Variants in ARMC9 observed in about 807,000 individuals in gnomAD.
ARMC9 encodes the protein armadillo repeat containing 9.
In ARMC9, 94 loss-of-function variants were observed where a neutral mutation model predicts 107.0. The observed-to-expected ratio is 0.88, with a 90% CI of 0.74 to 1.04. ARMC9 has a LOEUF of 1.04. ARMC9 is among the 50% of genes least tolerant of loss of function. The probability of loss-of-function intolerance (pLI) is 0.00; values close to 1 mark genes in which losing one functional copy is unlikely to be tolerated. For synonymous variants in ARMC9, 380 were observed against 396.9 expected (o/e 0.96, Z 0.51); for missense variants, 942 against 1,030.1 (o/e 0.91, Z 1.17).
At chr2:231,326,177 G>A (rs2125545543) in intron 19 of ARMC9, among the ~76,000 whole-genome samples, 1 of 152,314 alleles carries the variant, frequency 6.6e-6, no homozygotes, top group Non-Finnish European at 1.5e-5. Flanking sequence ...TCAAAGACCT[G>A]GGCAGAAAGG....
At chr2:231,227,716 A>G (rs17586694) in intron 7 of ARMC9, among the ~76,000 whole-genome samples, 10,631 of 152,192 alleles carry the variant, frequency 0.07, 610 homozygotes, top group East Asian at 0.26. Flanking sequence ...GGGTTTGTCA[A>G]CCTCAGGGAG....
chr2:231,367,291 G>T (rs565887247), intron 23 of ARMC9, among the ~76,000 whole-genome samples: 4 of 152,192 alleles, frequency 2.6e-5, no homozygotes, highest in Non-Finnish European at 5.9e-5. Flanking sequence ...GGGCCCTGCC[G>T]CCCAGGCTTT....
At chr2:231,345,138 T>C in intron 21 of ARMC9, 48 bp downstream of exon 21, 1 of 1,603,982 alleles carries the variant, frequency 6.2e-7, no homozygotes, top group Middle Eastern at 1.7e-4. Context: ...TAAGCTTTGT[T>C]TTGATTACAG....
chr2:231,302,877 G>A (rs2041840513), intron 19 of ARMC9, among the ~76,000 whole-genome samples: 2 of 152,032 alleles, frequency 1.3e-5, no homozygotes, highest in African/African-American at 2.4e-5. Context: ...CGTGGTGTGC[G>A]CCTGTAATCT....
intron 19 of ARMC9, among the ~76,000 whole-genome samples, chr2:231,305,665 C>T (rs1291304200): frequency 1.3e-5 from 2 of 152,118 alleles, no homozygotes; most frequent in South Asian, 2.1e-4. Flanking sequence ...GTTTCTCTAG[C>T]GAAGGCAATA....
At chr2:231,354,959 C>T (rs1190553282) in intron 21 of ARMC9, among the ~76,000 whole-genome samples, 1 of 152,202 alleles carries the variant, frequency 6.6e-6, no homozygotes, top group Non-Finnish European at 1.5e-5. Flanking sequence ...GTCTGCTGGG[C>T]GAAGGTGTCT....
rs535892599 is a variant in ARMC9 at position 231,268,917 on chromosome 2, A to G, written c.1120-2065A>G. 1.3e-4 allele frequency among the ~76,000 whole-genome samples: 20 copies of G among 152,260 alleles called. No homozygotes were observed. In the South Asian group the frequency reaches 3.9e-3, roughly 30 times the overall value. ...CTAAGAAAAAAAAAAATTCTTTTAA[A>G]TTAACCAGGCATGTTGGCGTGCACC... On this transcript the variant is annotated intron_variant, in intron 12 of 24. Transcript: ENST00000611582.
intron 19 of ARMC9, among the ~76,000 whole-genome samples, chr2:231,329,118 G>C (rs1010726205): frequency 6.6e-6 from 1 of 151,874 alleles, no homozygotes; most frequent in Non-Finnish European, 1.5e-5. Flanking sequence ...ACCGCGCCCG[G>C]CCAACGTGTT....
Position 231,235,341 on chromosome 2 carries a change from A to T in ARMC9, c.740A>T (p.Glu247Val). The change falls in exon 8 of 25, where the codon GAG (glutamate) becomes GTG (valine). Residue 247 changes from glutamate (E) to valine (V), a missense_variant. Transcript: ENST00000611582. The stretch of plus-strand genomic sequence containing the variant: ...CACAATCTCATTGGAGTCACAGCAG[A>T]GCTGGTGGATTCTCTAGAGGCCACA... ...DYHNLIGVTA[E>V]LVDSLEATVS... The T allele has an allele frequency of 1.2e-6, 2 of 1,614,226 alleles. No homozygotes were observed. Among genetic ancestry groups the T allele is most frequent in the Non-Finnish European group, 1.7e-6 (2 of 1,180,028 alleles).
chr2:231,342,216 C>T (rs2044560170), intron 20 of ARMC9, among the ~76,000 whole-genome samples: 1 of 152,236 alleles, frequency 6.6e-6, no homozygotes, highest in Non-Finnish European at 1.5e-5. Context: ...AGCCGCTCCA[C>T]TGAGGGCCTT....
chr2:231,232,025 C>CT (rs575702443), intron 7 of ARMC9, among the ~76,000 whole-genome samples: 27,887 of 121,552 alleles, frequency 0.23, 4,113 homozygotes, highest in Admixed American at 0.31. Context: ...TAACACATTC[C>CT]TTTTTTTTTT....
chr2:231,288,482 C>T (rs77340623), intron 17 of ARMC9, among the ~76,000 whole-genome samples: 8,148 of 152,122 alleles, frequency 0.054, 553 homozygotes, highest in South Asian at 0.25. Context: ...GGAAAATTTC[C>T]CTTGAAGACC....
At chr2:231,294,695 A>T (rs1431411561) in intron 18 of ARMC9, 2 of 152,386 alleles carry the variant, frequency 1.3e-5, no homozygotes, top group Non-Finnish European at 2.9e-5. Flanking sequence ...CAAGAGTCTT[A>T]AAAAAGGCAT....
At chr2:231,311,517 C>T (rs553887158) in intron 19 of ARMC9, among the ~76,000 whole-genome samples, 4 of 152,242 alleles carry the variant, frequency 2.6e-5, no homozygotes, top group Middle Eastern at 3.4e-3. Context: ...CGCCTATAAT[C>T]CCAGCACTTT....
chr2:231,222,152 T>G (rs553542516), intron 5 of ARMC9, among the ~76,000 whole-genome samples: 1 of 152,384 alleles, frequency 6.6e-6, no homozygotes, highest in East Asian at 1.9e-4. Flanking sequence ...TTTTCTTATT[T>G]AAGTCATTAA....
At chr2:231,236,439 T>TA (rs1187659899) in intron 8 of ARMC9, among the ~76,000 whole-genome samples, 23 of 152,190 alleles carry the variant, frequency 1.5e-4, no homozygotes, top group Non-Finnish European at 1.5e-5. Context: ...TACAATAAAA[T>TA]CTATTTGTGG....
chr2:231,232,815 A>G (rs975290635), intron 7 of ARMC9, among the ~76,000 whole-genome samples: 1 of 152,110 alleles, frequency 6.6e-6, no homozygotes, highest in Non-Finnish European at 1.5e-5. Flanking sequence ...AATAATAATA[A>G]TAATTCATTA....
chr2:231,239,823 C>T (rs2036115428), intron 8 of ARMC9, 120 bp from the exon 9 acceptor site: 2 of 789,028 alleles, frequency 2.5e-6, no homozygotes, highest in South Asian at 3.0e-5. Flanking sequence ...GGCTTACATA[C>T]CTCATCATCA....
intron 12 of ARMC9, among the ~76,000 whole-genome samples, chr2:231,270,347 G>T (rs2039219755): frequency 6.6e-6 from 1 of 152,238 alleles, no homozygotes; most frequent in African/African-American, 2.4e-5. Context: ...GTGCTGAGAG[G>T]TGTGCAGGAG....
Sources: gnomAD v4.1 joint callset for allele counts (sites outside exome capture counted in the v4.1 genomes callset) on GRCh38, gnomAD v4.1.1 for gene constraint, MANE v1.5 for transcripts, NCBI Gene and HGNC (gene_info 2026-07-23, HGNC 2026-07-21) for gene names.